TOB1: variants seen among roughly 807,000 people sequenced by gnomAD.
TOB1 encodes transducer of ERBB2, 1.
A neutral mutation model predicts 22.9 loss-of-function variants in TOB1; 2 were observed. That is an observed-to-expected ratio of 0.09 (90% confidence interval 0.04 to 0.28). The LOEUF is 0.28. TOB1 is among the 10% of genes least tolerant of loss of function. The pLI, the probability that TOB1 is intolerant of heterozygous loss-of-function variation, is 1.00. For missense variants in TOB1, 299 were observed against 420.5 expected (o/e 0.71, Z 2.53); for synonymous variants, 154 against 150.6 (o/e 1.02, Z -0.17).
intron 1 of TOB1, among the ~76,000 whole-genome samples, chr17:50,865,253 A>C (rs1025692684): frequency 2.6e-5 from 4 of 152,198 alleles, no homozygotes; most frequent in African/African-American, 9.7e-5. Flanking sequence ...GCTGCCCCCA[A>C]ACTACAAACA....
chr17:50,866,321 C>G lies in TOB1; in HGVS notation c.-410G>C, dbSNP rs1972306401. The G allele has an allele frequency of 6.6e-6, 1 of 152,304 alleles. No homozygotes were observed. The highest frequency in any genetic ancestry group is 1.5e-5 in the Non-Finnish European group (1 of 68,136). The allele number at this position is 152,304 out of a possible 1,614,324, so 9.4% of individuals were successfully genotyped here. A position where few individuals can be genotyped will look rare whatever the true frequency, so the allele number is the denominator to read the frequency against. On this transcript the variant is annotated 5_prime_UTR_variant, in exon 1 of 2. Transcript: ENST00000499247. Reference sequence around the variant, plus strand: ...CCGGCCCAGCGTCCCCGTAGTGCGCCCGCTACACGCCGGGCCAGAGCTTCG... The same window carrying G: ...CCGGCCCAGCGTCCCCGTAGTGCGCGCGCTACACGCCGGGCCAGAGCTTCG...
chr17:50,865,526 G>C (rs941202904), intron 1 of TOB1, among the ~76,000 whole-genome samples: 1 of 152,122 alleles, frequency 6.6e-6, no homozygotes, highest in African/African-American at 2.4e-5. Context: ...GAGCCTCCTC[G>C]GAGAAGGAGG....
At position 50,862,905 on chromosome 17, in the gene TOB1, A is replaced by C; in HGVS notation, c.*75T>G. ...TCCTTACTATAAGCTTAAAAAAAAA[A>C]ATTCTCAAGGAGGTGAAAAAAAAAA... On this transcript the variant is annotated 3_prime_UTR_variant, in exon 2 of 2. Transcript: ENST00000499247. 1 of 1,484,836 alleles carries C rather than the reference A, an allele frequency of 6.7e-7. No homozygotes were observed. The highest frequency in any genetic ancestry group is 8.9e-7 in the Non-Finnish European group (1 of 1,118,662). 92.0% of individuals were successfully genotyped at this position (1,484,836 alleles called of 1,614,324 possible).
In TOB1 at chr17:50,863,428, C is replaced by T. The variant is rs183389927; in HGVS notation, c.590G>A (p.Arg197His). 16 of 1,614,088 alleles carry T rather than the reference C, an allele frequency of 9.9e-6. No homozygotes were observed. Among genetic ancestry groups the T allele is most frequent in the East Asian group, 6.7e-5 (3 of 44,882 alleles). The change falls in exon 2 of 2, where the codon CGT (arginine) becomes CAT (histidine). Residue 197 changes from arginine (R) to histidine (H), a missense_variant. By Grantham distance (29) the Arg-to-His change is conservative (BLOSUM62 0). Transcript: ENST00000499247. ...FGSTKMKNSGRSNKVARTSPI... is the reference protein window; with the variant it reads ...FGSTKMKNSGHSNKVARTSPI... ...AGAAGTACGTGCAACCTTGTTGCTA[C>T]GGCCACTATTCTTCATTTTGGTAGA...
chr17:50,866,768 G>A (rs1334291312), upstream of TOB1: 1 of 152,614 alleles, frequency 6.6e-6, no homozygotes, highest in Non-Finnish European at 1.5e-5. Context: ...AGAGGGGGAG[G>A]GGGACGAAGC....
At chr17:50,865,869 C>G (rs1016999001) in intron 1 of TOB1, among the ~76,000 whole-genome samples, 189 bp downstream of exon 1, 9 of 151,730 alleles carry the variant, frequency 5.9e-5, no homozygotes, top group Non-Finnish European at 1.2e-4. Flanking sequence ...GAGCCCGACG[C>G]GCCGGCGGCC....
rs1972258024 is a variant in TOB1 at position 50,863,954 on chromosome 17, T to A, written c.64A>T (p.Arg22Trp). The part of the protein sequence containing the change: ...IISYLYNKLP[R>W]RRVNIFGEEL... Reference sequence around the variant, plus strand: ...TCACCAAAAATGTTGACACGTCTCCTGGGAAGCTTATTGTACAAATACGAA... The same window carrying A: ...TCACCAAAAATGTTGACACGTCTCCAGGGAAGCTTATTGTACAAATACGAA... Residue 22 changes from arginine (R) to tryptophan (W), a missense_variant, in exon 2 of 2, where the codon AGG becomes TGG. Coordinates refer to ENST00000499247, the MANE Select transcript of TOB1 (RefSeq NM_005749.4). 1 of 1,612,284 alleles carries A rather than the reference T, an allele frequency of 6.2e-7. No individual in the cohort carries two copies. Among genetic ancestry groups the A allele is most frequent in the Non-Finnish European group, 8.5e-7 (1 of 1,179,904 alleles).
rs71149322 is a variant in TOB1 at position 50,864,056 on chromosome 17, CAAAAAA to C, written c.-45_-40del. ...CAAAATTAGGTTTCAACTCCCCCAC[CAAAAAA>C]AAAAAAAAAAAAAAAAGATGTTCAG... On this transcript the variant is annotated 5_prime_UTR_variant, in exon 2 of 2. Coordinates refer to ENST00000499247, the MANE Select transcript of TOB1 (RefSeq NM_005749.4). 3,297 of 1,039,986 alleles carry C rather than the reference CAAAAAA, an allele frequency of 3.2e-3. No homozygotes were observed. Among genetic ancestry groups the C allele is most frequent in the South Asian group, 0.026 (851 of 32,424 alleles). The allele number at this position is 1,039,986 out of a possible 1,614,324, so 64.4% of individuals were successfully genotyped here.
chr17:50,863,974 T>A lies in TOB1; in HGVS notation c.44A>T (p.Tyr15Phe). The change falls in exon 2 of 2, where the codon TAT (tyrosine) becomes TTT (phenylalanine). Residue 15 changes from tyrosine (Y) to phenylalanine (F), a missense_variant. Tyr to Phe is a conservative substitution (Grantham distance 22). Coordinates refer to ENST00000499247, the MANE Select transcript of TOB1 (RefSeq NM_005749.4). ...TCTCCTGGGAAGCTTATTGTACAAA[T>A]ACGAAATAATAAAATTTAGTGCTAC... ...IQVALNFIISYLYNKLPRRRV... is the reference protein window; with the variant it reads ...IQVALNFIISFLYNKLPRRRV... The A allele has an allele frequency of 6.4e-7, 1 of 1,563,786 alleles. No individual in the cohort carries two copies. The highest frequency in any genetic ancestry group is 8.7e-7 in the Non-Finnish European group (1 of 1,154,506).
In TOB1 at chr17:50,864,039, G is replaced by C. The variant is rs772327608; in HGVS notation, c.-22C>G. 1 of 745,266 alleles carries C rather than the reference G, an allele frequency of 1.3e-6. No individual in the cohort carries two copies. The highest frequency in any genetic ancestry group is 1.9e-6 in the Non-Finnish European group (1 of 539,844). 46.2% of individuals were successfully genotyped at this position (745,266 alleles called of 1,614,324 possible). A position where few individuals can be genotyped will look rare whatever the true frequency, so the allele number is the denominator to read the frequency against. ...GCATAGCTGCTACGCCACAAAATTA[G>C]GTTTCAACTCCCCCACCAAAAAAAA... On this transcript the variant is annotated 5_prime_UTR_variant, in exon 2 of 2. Coordinates refer to ENST00000499247, the MANE Select transcript of TOB1 (RefSeq NM_005749.4).
rs1972233911 is a variant in TOB1 at position 50,862,867 on chromosome 17, A to C, written c.*113T>G. The stretch of plus-strand genomic sequence containing the variant: ...ATGTTTTATTATTATTTTTTTAACC[A>C]AGCTTGAATGTATCCTTACTATAAG... On this transcript the variant is annotated 3_prime_UTR_variant, in exon 2 of 2. Coordinates refer to ENST00000499247, the MANE Select transcript of TOB1 (RefSeq NM_005749.4). The C allele has an allele frequency of 8.9e-6, 12 of 1,354,200 alleles. No homozygotes were observed. The highest frequency in any genetic ancestry group is 2.9e-6 in the Non-Finnish European group (3 of 1,031,702). 83.9% of individuals were successfully genotyped at this position (1,354,200 alleles called of 1,614,324 possible).
At chr17:50,864,297 G>T (rs773983055) in intron 1 of TOB1, 134 bp from the exon 2 acceptor site, 2 of 342,574 alleles carry the variant, frequency 5.8e-6, no homozygotes, top group Non-Finnish European at 9.3e-6. Context: ...AAAAGAAAAA[G>T]AAAATGTCTA....
chr17:50,865,863 C>A (rs1033163417), intron 1 of TOB1, among the ~76,000 whole-genome samples, 195 bp downstream of exon 1: 1 of 151,658 alleles, frequency 6.6e-6, no homozygotes, highest in Non-Finnish European at 1.5e-5. Context: ...CAGGACGAGC[C>A]CGACGCGCCG....
rs1432735904 is a variant in TOB1 at position 50,863,591 on chromosome 17, T to A, written c.427A>T (p.Ser143Cys). ...NPEAQVFMPI[S>C]DPASSVSSSP... ...CTGGACACTGATGAGGCTGGGTCAC[T>A]TATGGGCATAAAAACCTGGGCCTCT... The change falls in exon 2 of 2, where the codon AGT (serine) becomes TGT (cysteine). Residue 143 changes from serine to cysteine, a missense_variant. Ser to Cys is a moderately radical substitution (Grantham distance 112). Transcript: ENST00000499247. 8 of 1,614,164 alleles carry A rather than the reference T, an allele frequency of 5.0e-6. No individual in the cohort carries two copies. Among genetic ancestry groups the A allele is most frequent in the Non-Finnish European group, 6.8e-6 (8 of 1,180,034 alleles).
Position 50,863,801 on chromosome 17 carries a change from T to C in TOB1, c.217A>G (p.Lys73Glu), listed in dbSNP as rs1972255225. ...KVDPVIEQASKESGLDIDDVR... is the reference protein window; with the variant it reads ...KVDPVIEQASEESGLDIDDVR... The stretch of plus-strand genomic sequence containing the variant: ...TCATCAATGTCCAAACCACTCTCTT[T>C]GGATGCTTGTTCAATCACTGGGTCC... The change falls in exon 2 of 2, where the codon AAA becomes GAA. Residue 73 changes from lysine to glutamate, a missense_variant. Coordinates refer to ENST00000499247, the MANE Select transcript of TOB1 (RefSeq NM_005749.4). 1 of 1,614,146 alleles carries C rather than the reference T, an allele frequency of 6.2e-7. No individual in the cohort carries two copies. The highest frequency in any genetic ancestry group is 1.1e-5 in the South Asian group (1 of 91,084).
chr17:50,865,034 G>A (rs1156624048), intron 1 of TOB1, among the ~76,000 whole-genome samples: 1 of 152,206 alleles, frequency 6.6e-6, no homozygotes, highest in African/African-American at 2.4e-5. Context: ...CAGCCGGAGA[G>A]GCAAGTATGG....
Position 50,863,884 on chromosome 17 carries a change from T to C in TOB1, c.134A>G (p.Tyr45Cys). ...CGATCCTTTGTATGGCTTTTCAGGA[T>C]ACCAGTGCCCTTCATATTTCTTCTT... ...LLKKKYEGHW[Y>C]PEKPYKGSGF... Residue 45 changes from tyrosine to cysteine, a missense_variant, in exon 2 of 2, where the codon TAT becomes TGT. By Grantham distance (194) the Tyr-to-Cys change is radical. Transcript: ENST00000499247. The C allele has an allele frequency of 6.2e-7, 1 of 1,614,172 alleles. No individual in the cohort carries two copies.
intron 1 of TOB1, among the ~76,000 whole-genome samples, chr17:50,865,327 G>A (rs1972279969): frequency 6.6e-6 from 1 of 152,208 alleles, no homozygotes; most frequent in Admixed American, 6.5e-5. Flanking sequence ...GCTTGAAGGT[G>A]CAGCCGAGCG....
rs1972262503 is a variant in TOB1 at position 50,864,122 on chromosome 17, CTGG to C, written c.-108_-106del. 1 of 1,348,928 alleles carries C rather than the reference CTGG, an allele frequency of 7.4e-7. No homozygotes were observed. Among genetic ancestry groups the C allele is most frequent in the East Asian group, 2.6e-5 (1 of 38,860 alleles). The allele number at this position is 1,348,928 out of a possible 1,614,324, so 83.6% of individuals were successfully genotyped here. ...GAGAAACAAATTTTCATTCAAAGTG[CTGG>C]TATTAGTAGATTATCCTTCACCTTG... On this transcript the variant is annotated 5_prime_UTR_variant, in exon 2 of 2. Transcript: ENST00000499247.
Sources: allele counts gnomAD v4.1 joint callset (sites outside exome capture counted in the v4.1 genomes callset), GRCh38; gene constraint gnomAD v4.1.1; transcripts MANE v1.5; gene names NCBI Gene and HGNC (gene_info 2026-07-23, HGNC 2026-07-21).